Variants in DOCK2 observed in about 807,000 individuals in gnomAD.
DOCK2 encodes the protein dedicator of cytokinesis 2, also known as dedicator of cytokinesis protein 2.
A neutral mutation model predicts 248.9 loss-of-function variants in DOCK2; 87 were observed. The ratio of observed to expected loss-of-function variants is 0.35; its 90% CI spans 0.29 to 0.42. The LOEUF is 0.42. Among genes scored for constraint, DOCK2 ranks in the 10% least tolerant of loss-of-function variants. DOCK2 has a pLI of 1.00. For synonymous variants in DOCK2, 805 were observed against 821.6 expected, an observed-to-expected ratio of 0.98 and a Z score of 0.35; for missense variants, 1,747 against 2,300.2, an observed-to-expected ratio of 0.76 and a Z score of 4.92.
At chr5:169,698,582 G>A (rs1760770791) in intron 11 of DOCK2, 133 bp downstream of exon 11, 3 of 893,962 alleles carry the variant, frequency 3.4e-6, no homozygotes, top group African/African-American at 1.7e-5. Context: ...AGCTCAGGGT[G>A]AGAATCACTG....
In DOCK2 at chr5:169,716,288, G is replaced by A. The variant is rs760302843; in HGVS notation, c.2017G>A (p.Val673Ile). 2.8e-5 allele frequency: 45 copies of A among 1,613,358 alleles called. No homozygotes were observed. The highest frequency in any genetic ancestry group is 8.9e-5 in the East Asian group (4 of 44,866). ...HSQSDEYDIL[V>I]FDALIYIIGL... ...TCAAAGTGATGAATATGACATCCTC[G>A]TCTTTGATGCCTTGGTAAGAGAGAG... is the stretch of plus-strand genomic sequence containing the variant. The change falls in exon 20 of 52, where the codon GTC (valine) becomes ATC (isoleucine). Residue 673 changes from valine to isoleucine, a missense_variant. Transcript: ENST00000520908.
intron 27 of DOCK2, among the ~76,000 whole-genome samples, chr5:169,924,715 G>A (rs923263460): frequency 1.3e-5 from 2 of 152,166 alleles, no homozygotes; most frequent in Non-Finnish European, 2.9e-5. Flanking sequence ...TTTTGAAGGA[G>A]GGCTGAAAGT....
At chr5:170,065,707 T>C (rs1757466933) in intron 44 of DOCK2, among the ~76,000 whole-genome samples, 2 of 152,144 alleles carry the variant, frequency 1.3e-5, no homozygotes, top group Non-Finnish European at 2.9e-5. Context: ...AAAAGGGATC[T>C]TGTGAGACCC....
At chr5:169,813,844 G>A (rs1258287464) in intron 26 of DOCK2, among the ~76,000 whole-genome samples, 3 of 152,186 alleles carry the variant, frequency 2.0e-5, no homozygotes, top group Admixed American at 6.5e-5. Context: ...GAGGGGTGGG[G>A]ACAATGAGTT....
chr5:169,820,839 C>T (rs559493725), intron 26 of DOCK2, among the ~76,000 whole-genome samples: 28 of 152,204 alleles, frequency 1.8e-4, no homozygotes, highest in South Asian at 1.0e-3. Flanking sequence ...GGAGGAAGTT[C>T]GAACCAATGG....
rs139729095 is a variant in DOCK2 at position 169,899,494 on chromosome 5, G to A, written c.2799+58642G>A. Among the ~76,000 whole-genome samples, 4 of 152,336 alleles carry A rather than the reference G, an allele frequency of 2.6e-5. No homozygotes were observed. The East Asian group carries it at 7.7e-4, about 29-fold the overall frequency. ...GTCAAAAATGAGCCTTGGTTTCTCA[G>A]TCTTGCTTGCCTCAAATGGACTTGA... On this transcript the variant is annotated intron_variant, in intron 27 of 51. Transcript: ENST00000520908.
At chr5:169,768,797 CT>C (rs1764927820) in intron 25 of DOCK2, among the ~76,000 whole-genome samples, 1 of 152,244 alleles carries the variant, frequency 6.6e-6, no homozygotes, top group Non-Finnish European at 1.5e-5. Flanking sequence ...GCTGTCATCT[CT>C]CTTTGTACCT....
At chr5:169,723,415 C>T (rs1057356367) in intron 22 of DOCK2, among the ~76,000 whole-genome samples, 2 of 152,164 alleles carry the variant, frequency 1.3e-5, no homozygotes, top group Non-Finnish European at 2.9e-5. Flanking sequence ...ACCTACCATA[C>T]AGGGTTGGTG....
At chr5:169,709,792 C>A (rs1171582727) in intron 15 of DOCK2, among the ~76,000 whole-genome samples, 2 of 152,018 alleles carry the variant, frequency 1.3e-5, no homozygotes, top group Non-Finnish European at 2.9e-5. Flanking sequence ...AACTTGAGAA[C>A]AAATATAGAA....
At chr5:169,649,815 T>C (rs1757699502) in intron 1 of DOCK2, among the ~76,000 whole-genome samples, 1 of 151,790 alleles carries the variant, frequency 6.6e-6, no homozygotes, top group African/African-American at 2.4e-5. Context: ...TTTCTTTCTT[T>C]TTTTTTTTGC....
chr5:170,057,558 C>A, intron 43 of DOCK2, 22 bp from the exon 44 acceptor site: 1 of 1,610,410 alleles, frequency 6.2e-7, no homozygotes, highest in African/African-American at 1.3e-5. Flanking sequence ...CCTGCCCTTG[C>A]CACCCCTCTG....
At chr5:169,818,333 G>A (rs1768198853) in intron 26 of DOCK2, among the ~76,000 whole-genome samples, 1 of 152,160 alleles carries the variant, frequency 6.6e-6, no homozygotes, top group Non-Finnish European at 1.5e-5. Flanking sequence ...CCATATCCTA[G>A]CACAGTGCCC....
At chr5:169,667,498 A>G (rs1434529179) in intron 2 of DOCK2, among the ~76,000 whole-genome samples, 1 of 152,250 alleles carries the variant, frequency 6.6e-6, no homozygotes, top group Non-Finnish European at 1.5e-5. Context: ...GCAGGTGACC[A>G]GTGAAAGACA....
intron 27 of DOCK2, among the ~76,000 whole-genome samples, chr5:169,956,228 T>C (rs1776861302): frequency 6.6e-6 from 1 of 152,228 alleles, no homozygotes; most frequent in African/African-American, 2.4e-5. Context: ...CTAAGCTGCA[T>C]AGCACAAATT....
chr5:169,777,760 T>C (rs537470274), intron 25 of DOCK2, among the ~76,000 whole-genome samples: 56 of 152,156 alleles, frequency 3.7e-4, no homozygotes, highest in Non-Finnish European at 5.9e-5. Flanking sequence ...GTGAGAGGCA[T>C]AGAGAGGCCT....
chr5:170,032,735 A>G (rs554435811), intron 34 of DOCK2, among the ~76,000 whole-genome samples: 3 of 152,298 alleles, frequency 2.0e-5, no homozygotes, highest in African/African-American at 7.2e-5. Flanking sequence ...TCCCAGAGTG[A>G]AGATGGATTT....
chr5:169,792,362 G>GTGTA (rs1554101490), intron 25 of DOCK2, among the ~76,000 whole-genome samples: 7 of 150,408 alleles, frequency 4.7e-5, no homozygotes, highest in African/African-American at 9.8e-5. Context: ...GTGTGTGTGT[G>GTGTA]TATATATATA....
rs56110833 is a variant in DOCK2, at chr5:169,867,407, C to CTCTGTCTG, written c.2799+26579_2799+26586dup. On this transcript the variant is annotated intron_variant, in intron 27 of 51. Transcript: ENST00000520908. Reference sequence around the variant, plus strand: ...AGCCAGGAACCATGGGTGAAAACCTCTCTGTCTGTCTGTCTGTCTGTCTGT... The same window carrying CTCTGTCTG: ...AGCCAGGAACCATGGGTGAAAACCTCTCTGTCTGTCTGTCTGTCTGTCTGTCTGTCTGT... Among the ~76,000 whole-genome samples, 53 of 149,194 alleles carry CTCTGTCTG rather than the reference C, an allele frequency of 3.6e-4. 1 individual carries two copies. The highest frequency in any genetic ancestry group is 1.3e-3 in the African/African-American group (52 of 40,746).
chr5:169,823,564 T>G (rs1768627035), intron 26 of DOCK2, among the ~76,000 whole-genome samples: 1 of 152,206 alleles, frequency 6.6e-6, no homozygotes, highest in Admixed American at 6.5e-5. Flanking sequence ...TTGACAAAAT[T>G]CAGCAGCCCT....
Sources: gnomAD v4.1 joint callset for allele counts (sites outside exome capture counted in the v4.1 genomes callset) on GRCh38, gnomAD v4.1.1 for gene constraint, MANE v1.5 for transcripts, NCBI Gene and HGNC (gene_info 2026-07-23, HGNC 2026-07-21) for gene names.